The following C3orf20 variants were observed in gnomAD, a reference collection of about 807,000 sequenced individuals.
C3orf20 encodes the protein uncharacterized protein C3orf20.
C3orf20 carries 76 observed loss-of-function variants against 88.3 expected under a neutral mutation model. That is an observed-to-expected ratio of 0.86 (90% CI 0.72 to 1.04). The LOEUF is 1.04. Ranked by LOEUF, C3orf20 falls within the 50% of genes least tolerant of loss-of-function variation. The pLI is 0.00. For missense variants in C3orf20, 1,056 were observed against 1,123.3 expected (o/e 0.94, Z 0.86); for synonymous variants, 436 against 437.4 (o/e 1.00, Z 0.04).
intron 9 of C3orf20, among the ~76,000 whole-genome samples, chr3:14,716,405 T>C (rs2033942738): frequency 1.3e-5 from 2 of 152,106 alleles, no homozygotes; most frequent in African/African-American, 4.8e-5. Context: ...ACAGTGAGGG[T>C]TGTGGACACA....
chr3:14,764,123 GACAC>G (rs1390370041), intron 15 of C3orf20, among the ~76,000 whole-genome samples: 1 of 150,882 alleles, frequency 6.6e-6, no homozygotes, highest in Non-Finnish European at 1.5e-5. Flanking sequence ...ACACAAACTA[GACAC>G]ACAGAAGTAG....
rs548253775 is a variant in C3orf20 at position 14,720,582 on chromosome 3, G to T, written c.1435-1071G>T. ...TGTTGTTGTTGTTGTTGTTGTTGTT[G>T]TTTTTGGTTCAGAGGCATCCTGGGG... On this transcript the variant is annotated intron_variant, in intron 9 of 16. Coordinates refer to ENST00000253697, the MANE Select transcript of C3orf20 (RefSeq NM_032137.5). Among the ~76,000 whole-genome samples the T allele has an allele frequency of 2.3e-4, 34 of 144,912 alleles. No individual in the cohort carries two copies. In the East Asian group the frequency reaches 5.8e-3, roughly 25 times the overall value.
intron 12 of C3orf20, among the ~76,000 whole-genome samples, chr3:14,748,407 C>G (rs11916985): frequency 0.19 from 29,299 of 151,994 alleles, 3,065 homozygotes; most frequent in South Asian, 0.42. Context: ...GAACCAACAT[C>G]TGTTTTGTTG....
chr3:14,761,380 G>A (rs906616360), intron 14 of C3orf20, 93 bp from the exon 15 acceptor site: 6 of 1,471,970 alleles, frequency 4.1e-6, no homozygotes, highest in Non-Finnish European at 5.7e-6. Context: ...CTGTGGCGCT[G>A]TTCTAGTGAA....
chr3:14,728,052 T>G (rs532846572), intron 11 of C3orf20, among the ~76,000 whole-genome samples: 2 of 152,084 alleles, frequency 1.3e-5, no homozygotes, highest in South Asian at 4.2e-4. Context: ...AGAAAGTAGT[T>G]GGAATTGACT....
intron 12 of C3orf20, among the ~76,000 whole-genome samples, chr3:14,752,525 GA>G (rs2035248878): frequency 1.3e-5 from 2 of 152,152 alleles, no homozygotes; most frequent in Admixed American, 1.3e-4. Context: ...CACAGCAAAA[GA>G]AACTATCATC....
intron 3 of C3orf20, among the ~76,000 whole-genome samples, chr3:14,683,605 C>A (rs1293447337): frequency 2.0e-5 from 3 of 152,140 alleles, no homozygotes; most frequent in Non-Finnish European, 4.4e-5. Context: ...AGGCCAGGCG[C>A]GGTGGCTCAC....
At chr3:14,689,861 G>A (rs575916421) in intron 4 of C3orf20, 136 bp from the exon 5 acceptor site, 3 of 1,122,238 alleles carry the variant, frequency 2.7e-6, no homozygotes, top group Non-Finnish European at 1.3e-6. Context: ...CCAAGATCTA[G>A]GTGTTTTGTA....
Position 14,772,232 on chromosome 3 carries a change from C to T in C3orf20, c.2630+31C>T, listed in dbSNP as rs201952770. On this transcript the variant is annotated intron_variant, in intron 16 of 16. Coordinates refer to ENST00000253697, the MANE Select transcript of C3orf20 (RefSeq NM_032137.5). The surrounding 1 kb of genome is among the most constrained non-coding windows in gnomAD (Gnocchi z 4.2). ...TGACCACATCAGCTGCCAGAATGGGCGTGGCTCACAGCAGGCCACCTCGGG... is the reference window on the plus strand; with the variant it reads ...TGACCACATCAGCTGCCAGAATGGGTGTGGCTCACAGCAGGCCACCTCGGG... 33 of 1,613,982 alleles carry T rather than the reference C, an allele frequency of 2.0e-5. No individual in the cohort carries two copies. Among genetic ancestry groups the T allele is most frequent in the South Asian group, 1.6e-4 (15 of 91,060 alleles).
chr3:14,733,712 C>T (rs571960074), intron 12 of C3orf20, among the ~76,000 whole-genome samples: 19 of 144,082 alleles, frequency 1.3e-4, no homozygotes, highest in South Asian at 6.8e-4. Context: ...TTTTTTGAAA[C>T]GGAGTCTCAC....
chr3:14,695,908 G>A (rs902001010), intron 5 of C3orf20, among the ~76,000 whole-genome samples: 3 of 151,864 alleles, frequency 2.0e-5, no homozygotes, highest in Admixed American at 6.6e-5. Context: ...TGATCATGGG[G>A]TCTTGTTTTT....
At chr3:14,733,998 T>A (rs1451042839) in intron 12 of C3orf20, among the ~76,000 whole-genome samples, 1 of 152,224 alleles carries the variant, frequency 6.6e-6, no homozygotes, top group Non-Finnish European at 1.5e-5. Context: ...ATGTTGAAGT[T>A]TTTAAAAAGA....
chr3:14,688,402 C>G (rs1238203693), intron 4 of C3orf20, among the ~76,000 whole-genome samples: 1 of 151,598 alleles, frequency 6.6e-6, no homozygotes, highest in East Asian at 1.9e-4. Flanking sequence ...CGTGATGGCA[C>G]ACATCTGTAG....
chr3:14,681,410 G>C (rs1350772085), intron 1 of C3orf20, among the ~76,000 whole-genome samples: 2 of 152,232 alleles, frequency 1.3e-5, no homozygotes, highest in Non-Finnish European at 2.9e-5. Flanking sequence ...TCGAAGAGAT[G>C]GTTGGACAGC....
chr3:14,688,005 A>G (rs765060187), intron 4 of C3orf20, among the ~76,000 whole-genome samples: 18 of 152,198 alleles, frequency 1.2e-4, no homozygotes, highest in Non-Finnish European at 2.4e-4. Context: ...AATTAAGCCT[A>G]GAGTTTCCAG....
At position 14,728,626 on chromosome 3, in the gene C3orf20, T is replaced by G. The variant is rs758511247; in HGVS notation, c.1878T>G (p.Ser626=). 1.2e-6 allele frequency: 2 copies of G among 1,614,062 alleles called. No homozygotes were observed. Among genetic ancestry groups the G allele is most frequent in the Non-Finnish European group, 1.7e-6 (2 of 1,180,034 alleles). Residue 626 remains serine (S), a synonymous_variant, in exon 12 of 17, where the codon TCT becomes TCG. Coordinates refer to ENST00000253697, the MANE Select transcript of C3orf20 (RefSeq NM_032137.5). ...AGACTTTGAAGGATGAGCCTGAGTC[T>G]GCTCCTGTGAGCCCAGTTCGGAAGA... The part of the protein sequence containing the change: ...IAETLKDEPE[S]APVSPVRKTT...
intron 5 of C3orf20, among the ~76,000 whole-genome samples, chr3:14,694,493 G>C (rs935641437): frequency 6.6e-6 from 1 of 151,968 alleles, no homozygotes; most frequent in South Asian, 2.1e-4. Context: ...TCATAATAGG[G>C]ACTAATGATC....
At chr3:14,677,566 T>C (rs2031843632) in intron 1 of C3orf20, among the ~76,000 whole-genome samples, 1 of 152,116 alleles carries the variant, frequency 6.6e-6, no homozygotes, top group Non-Finnish European at 1.5e-5. Flanking sequence ...AATAGCGCGA[T>C]CTCAACTCAC....
intron 5 of C3orf20, among the ~76,000 whole-genome samples, chr3:14,700,389 G>C (rs189645131): frequency 2.2e-4 from 34 of 152,202 alleles, no homozygotes; most frequent in Middle Eastern, 3.4e-3. Flanking sequence ...ATTTTAGTAG[G>C]AGTTATTGTT....
Sources: gnomAD v4.1 joint callset for allele counts (sites outside exome capture counted in the v4.1 genomes callset) on GRCh38, gnomAD v4.1.1 for gene constraint, Gnocchi (gnomAD v3.1) non-coding constraint, MANE v1.5 for transcripts, NCBI Gene and HGNC (gene_info 2026-07-23, HGNC 2026-07-21) for gene names.